The following HPCAL1 variants were observed in gnomAD, a reference collection of about 807,000 sequenced individuals.
The protein encoded by HPCAL1 is hippocalcin like 1.
HPCAL1 carries 8 observed loss-of-function variants against 17.1 expected under a neutral mutation model. The observed-to-expected ratio is 0.47, with a 90% CI of 0.27 to 0.84. The LOEUF (loss-of-function observed/expected upper bound fraction) is 0.84. Ranked by LOEUF, HPCAL1 falls within the 40% of genes least tolerant of loss-of-function variation. The pLI is 0.13. For missense variants in HPCAL1, 165 were observed against 271.1 expected, an observed-to-expected ratio of 0.61 and a Z score of 2.75; for synonymous variants, 112 against 111.4, an observed-to-expected ratio of 1.01 and a Z score of -0.03.
intron 2 of HPCAL1, among the ~76,000 whole-genome samples, chr2:10,399,782 C>T (rs994843608): frequency 2.5e-4 from 38 of 152,286 alleles, no homozygotes; most frequent in South Asian, 6.2e-4. Flanking sequence ...CACCTGCATA[C>T]TAAGGCTCGA....
At chr2:10,406,596 G>A (rs936664886) in intron 2 of HPCAL1, among the ~76,000 whole-genome samples, 3 of 152,232 alleles carry the variant, frequency 2.0e-5, no homozygotes, top group Non-Finnish European at 4.4e-5. Flanking sequence ...CCTTCAAAGC[G>A]AGATCCTGGG....
intron 1 of HPCAL1, among the ~76,000 whole-genome samples, chr2:10,379,060 G>A (rs1157440881): frequency 3.9e-5 from 6 of 151,952 alleles, no homozygotes; most frequent in African/African-American, 7.3e-5. Context: ...GGGTGCGGTC[G>A]CTCCTACCTG....
chr2:10,383,020 C>T (rs756476582), intron 1 of HPCAL1, among the ~76,000 whole-genome samples: 4 of 152,208 alleles, frequency 2.6e-5, no homozygotes, highest in Non-Finnish European at 5.9e-5. Flanking sequence ...GACTCCTCCT[C>T]TGGGAATGAG....
At chr2:10,399,928 C>T (rs1156685287) in intron 2 of HPCAL1, among the ~76,000 whole-genome samples, 2 of 152,190 alleles carry the variant, frequency 1.3e-5, no homozygotes, top group South Asian at 4.1e-4. Flanking sequence ...GGAGAACAGA[C>T]CAGAGTAAAC....
intron 2 of HPCAL1, among the ~76,000 whole-genome samples, chr2:10,397,482 C>T (rs1669130534): frequency 6.6e-6 from 1 of 151,060 alleles, no homozygotes; most frequent in African/African-American, 2.4e-5. Flanking sequence ...CTGCCGGGCC[C>T]AGGGTCTGTC....
intron 1 of HPCAL1, among the ~76,000 whole-genome samples, chr2:10,311,681 T>C (rs1479030447): frequency 1.3e-5 from 2 of 152,076 alleles, no homozygotes; most frequent in Non-Finnish European, 2.9e-5. Context: ...CGCCAAGCAG[T>C]GTAAAGGGCT....
rs1321638517 is a variant in HPCAL1 at position 10,310,627 on chromosome 2, G to T, written c.-111+7450G>T. ...CAGAGACCCTGAGCTTGGTGGTGGG[G>T]GTTGCACAGAGAGAGCTGCAGGTTG... On this transcript the variant is annotated intron_variant, in intron 1 of 4. Transcript: ENST00000307845. The surrounding 1 kb of genome is among the most constrained non-coding windows in gnomAD (Gnocchi z 4.5). Among the ~76,000 whole-genome samples the T allele has an allele frequency of 6.6e-6, 1 of 152,104 alleles. No homozygotes were observed. Among genetic ancestry groups the T allele is most frequent in the Non-Finnish European group, 1.5e-5 (1 of 68,022 alleles).
intron 1 of HPCAL1, among the ~76,000 whole-genome samples, chr2:10,390,636 C>G (rs540406537): frequency 6.6e-6 from 1 of 152,114 alleles, no homozygotes; most frequent in Non-Finnish European, 1.5e-5. Context: ...AGGCCACTTC[C>G]GGTTTTCTGC....
chr2:10,423,312 G>A, intron 4 of HPCAL1: 1 of 556,666 alleles, frequency 1.8e-6, no homozygotes. Flanking sequence ...TGGGCATGTT[G>A]TGGCCTCTCT....
intron 1 of HPCAL1, among the ~76,000 whole-genome samples, chr2:10,345,187 C>T (rs571801238): frequency 6.6e-6 from 1 of 152,100 alleles, no homozygotes; most frequent in African/African-American, 2.4e-5. Flanking sequence ...ATCTCTGTGC[C>T]TGCCTGTCTG....
Position 10,427,021 on chromosome 2 carries a change from C to G in HPCAL1, c.*200C>G, listed in dbSNP as rs538986954. On this transcript the variant is annotated 3_prime_UTR_variant, in exon 5 of 5. Coordinates refer to ENST00000307845, the MANE Select transcript of HPCAL1 (RefSeq NM_002149.4). ...GACATTCCTCCCCTCACGCCTGGCC[C>G]GGTCCCTTCCAGGGCAACTCCCAGG... The G allele has an allele frequency of 3.4e-6, 2 of 580,678 alleles. No individual in the cohort carries two copies. Among genetic ancestry groups the G allele is most frequent in the East Asian group, 2.9e-5 (1 of 34,312 alleles). The allele number at this position is 580,678 out of a possible 1,614,324, so 36.0% of individuals were successfully genotyped here. A position where few individuals can be genotyped will look rare whatever the true frequency, so the allele number is the denominator to read the frequency against.
chr2:10,322,051 C>G (rs1663700329), intron 1 of HPCAL1, among the ~76,000 whole-genome samples: 1 of 152,204 alleles, frequency 6.6e-6, no homozygotes, highest in Middle Eastern at 3.4e-3. Context: ...GAGACAAGGT[C>G]TTGCTCTGTT....
chr2:10,338,483 C>T lies in HPCAL1; in HGVS notation c.-111+35306C>T, dbSNP rs1382660988. Among the ~76,000 whole-genome samples the T allele has an allele frequency of 3.9e-5, 6 of 152,132 alleles. No homozygotes were observed. The South Asian group carries it at 6.2e-4, about 16-fold the overall frequency. Reference sequence around the variant, plus strand: ...TGTGAAGTAGGGATCATTCCTACTTCGTAGGGTTGGCATGAGACTCCGTGA... The same window carrying T: ...TGTGAAGTAGGGATCATTCCTACTTTGTAGGGTTGGCATGAGACTCCGTGA... On this transcript the variant is annotated intron_variant, in intron 1 of 4. Transcript: ENST00000307845.
intron 1 of HPCAL1, among the ~76,000 whole-genome samples, chr2:10,358,719 C>T (rs559386121): frequency 1.3e-5 from 2 of 152,134 alleles, no homozygotes; most frequent in East Asian, 1.9e-4. Context: ...CTGGGGCGGT[C>T]GGAGAAGAGT....
At chr2:10,399,464 C>A (rs1418100789) in intron 2 of HPCAL1, among the ~76,000 whole-genome samples, 5 of 126,716 alleles carry the variant, frequency 3.9e-5, no homozygotes, top group Admixed American at 7.9e-5. Context: ...CCACCACCAC[C>A]ATCACCATCA....
In HPCAL1 at chr2:10,386,992, C is replaced by T. The variant is rs1572781665; in HGVS notation, c.-110-9843C>T. Among the ~76,000 whole-genome samples, 4 of 152,176 alleles carry T rather than the reference C, an allele frequency of 2.6e-5. No homozygotes were observed. In the South Asian group the frequency reaches 8.3e-4, roughly 32 times the overall value. ...TGGCCAGTGGGAGAAGCGGGGCTTG[C>T]AGGCCAGGTGGGCCCAAGTGTGATT... On this transcript the variant is annotated intron_variant, in intron 1 of 4. Coordinates refer to ENST00000307845, the MANE Select transcript of HPCAL1 (RefSeq NM_002149.4).
intron 1 of HPCAL1, among the ~76,000 whole-genome samples, chr2:10,314,584 C>G (rs1663189829): frequency 1.3e-5 from 2 of 152,126 alleles, no homozygotes; most frequent in African/African-American, 4.8e-5. Context: ...TTAAGAGGAT[C>G]CTCTAGCAGG....
rs970566057 is a variant in HPCAL1, at chr2:10,323,347, G to A, written c.-111+20170G>A. ...TTCAGTGTTAGAGCACCTTTCAGGGGGAATGGCGTAAAAAAGCCTTCCTTT... is the reference window on the plus strand; with the variant it reads ...TTCAGTGTTAGAGCACCTTTCAGGGAGAATGGCGTAAAAAAGCCTTCCTTT... On this transcript the variant is annotated intron_variant, in intron 1 of 4. Coordinates refer to ENST00000307845, the MANE Select transcript of HPCAL1 (RefSeq NM_002149.4). This position sits in a 1 kb window ranked among gnomAD's most constrained non-coding sequence, Gnocchi z 4.6. Among the ~76,000 whole-genome samples the A allele has an allele frequency of 6.6e-6, 1 of 152,200 alleles. No individual in the cohort carries two copies. Among genetic ancestry groups the A allele is most frequent in the African/African-American group, 2.4e-5 (1 of 41,442 alleles).
chr2:10,341,747 C>T (rs188387079), intron 1 of HPCAL1, among the ~76,000 whole-genome samples: 22 of 152,200 alleles, frequency 1.4e-4, no homozygotes, highest in African/African-American at 4.3e-4. Flanking sequence ...TGGCTGGGTC[C>T]AACGCTTCCC....
Sources: gnomAD v4.1 joint callset for allele counts (sites outside exome capture counted in the v4.1 genomes callset) on GRCh38, gnomAD v4.1.1 for gene constraint, Gnocchi (gnomAD v3.1) non-coding constraint, MANE v1.5 for transcripts, NCBI Gene and HGNC (gene_info 2026-07-23, HGNC 2026-07-21) for gene names.